Variants in NAA15 observed in about 807,000 individuals in gnomAD.
NAA15 encodes N-alpha-acetyltransferase 15, NatA auxiliary subunit.
NAA15 carries 34 observed loss-of-function variants against 114.0 expected under a neutral mutation model. The observed-to-expected ratio is 0.30, with a 90% CI of 0.23 to 0.40. The LOEUF (loss-of-function observed/expected upper bound fraction) is 0.40. NAA15 is among the 10% of genes least tolerant of loss of function. The pLI, the probability that NAA15 is intolerant of heterozygous loss-of-function variation, is 1.00. For synonymous variants in NAA15, 340 were observed against 338.0 expected, an observed-to-expected ratio of 1.01 and a Z score of -0.06; for missense variants, 658 against 1,004.5, an observed-to-expected ratio of 0.66 and a Z score of 4.66.
intron 6 of NAA15, among the ~76,000 whole-genome samples, chr4:139,349,007 A>G (rs888367082): frequency 1.3e-5 from 2 of 152,246 alleles, no homozygotes; most frequent in African/African-American, 4.8e-5. Flanking sequence ...TAAAAGGTAA[A>G]GTCTAGATAG....
chr4:139,327,888 C>T (rs1374579071), intron 1 of NAA15, among the ~76,000 whole-genome samples: 2 of 152,166 alleles, frequency 1.3e-5, no homozygotes, highest in Admixed American at 1.3e-4. Context: ...TGGTCTTGAA[C>T]TCCTGACCTC....
chr4:139,303,761 A>G lies in NAA15; in HGVS notation c.54+1930A>G, dbSNP rs200833191. On this transcript the variant is annotated intron_variant, in intron 1 of 19. Coordinates refer to ENST00000296543, the MANE Select transcript of NAA15 (RefSeq NM_057175.5). Reference sequence around the variant, plus strand: ...GCAGTTCCAGCCTTGGCAACAGAGGAAGACTGTCTCAAAACAAAAACAAAA... The same window carrying G: ...GCAGTTCCAGCCTTGGCAACAGAGGGAGACTGTCTCAAAACAAAAACAAAA... Among the ~76,000 whole-genome samples, 18 of 152,296 alleles carry G rather than the reference A, an allele frequency of 1.2e-4. No individual in the cohort carries two copies. The East Asian group carries it at 3.5e-3, about 29-fold the overall frequency.
intron 6 of NAA15, among the ~76,000 whole-genome samples, chr4:139,345,687 G>A (rs796591627): frequency 1.3e-5 from 2 of 152,256 alleles, no homozygotes; most frequent in East Asian, 1.9e-4. Context: ...TTGGGAGGCC[G>A]AGGCAGGTGG....
At position 139,355,939 on chromosome 4, in the gene NAA15, T is replaced by C. The variant is rs1447080011; in HGVS notation, c.1088-1447T>C. On this transcript the variant is annotated intron_variant, in intron 10 of 19. Transcript: ENST00000296543. ...AAATTTTCTTCCTCTATTACCTGTT[T>C]ACACAATGTTTCAGTTTACATAGGA... Among the ~76,000 whole-genome samples the C allele has an allele frequency of 2.0e-5, 3 of 152,352 alleles. No individual in the cohort carries two copies. The East Asian group carries it at 5.8e-4, about 29-fold the overall frequency.
At chr4:139,362,504 C>G (rs916454985) in intron 14 of NAA15, among the ~76,000 whole-genome samples, 1 of 152,176 alleles carries the variant, frequency 6.6e-6, no homozygotes, top group Admixed American at 6.5e-5. Flanking sequence ...AACCCCTGAC[C>G]TCAAGTGATC....
At position 139,320,628 on chromosome 4, in the gene NAA15, C is replaced by T. The variant is rs902521047; in HGVS notation, c.55-13546C>T. On this transcript the variant is annotated intron_variant, in intron 1 of 19. Transcript: ENST00000296543. ...CTCCATCTCCTGGGTTCAAGCGATT[C>T]TCCTGCCTCTGCCTCCTGAGCCGCT... Among the ~76,000 whole-genome samples, 6 of 152,320 alleles carry T rather than the reference C, an allele frequency of 3.9e-5. No individual in the cohort carries two copies. In the East Asian group the frequency reaches 9.6e-4, roughly 24 times the overall value.
At chr4:139,354,543 C>G (rs1403060865) in intron 10 of NAA15, among the ~76,000 whole-genome samples, 1 of 152,174 alleles carries the variant, frequency 6.6e-6, no homozygotes, top group East Asian at 1.9e-4. Flanking sequence ...AAGTGATCCT[C>G]TTGCATTGGC....
At chr4:139,374,454 G>A (rs1260304276) in intron 15 of NAA15, among the ~76,000 whole-genome samples, 3 of 152,132 alleles carry the variant, frequency 2.0e-5, no homozygotes, top group African/African-American at 7.2e-5. Flanking sequence ...TTCAGTTCTT[G>A]TGTGCTTATC....
At chr4:139,333,675 A>G (rs1031604607) in intron 1 of NAA15, among the ~76,000 whole-genome samples, 2 of 152,192 alleles carry the variant, frequency 1.3e-5, no homozygotes, top group Non-Finnish European at 2.9e-5. Flanking sequence ...GAGTCCTGAG[A>G]TCGCTTGAGA....
chr4:139,374,654 G>A, intron 15 of NAA15, among the ~76,000 whole-genome samples: 1 of 152,050 alleles, frequency 6.6e-6, no homozygotes, highest in Non-Finnish European at 1.5e-5. Context: ...ATGATTCCAT[G>A]TATATATAAA....
At chr4:139,360,730 G>A in intron 13 of NAA15, 102 bp downstream of exon 13, 2 of 1,053,736 alleles carry the variant, frequency 1.9e-6, no homozygotes, top group Admixed American at 3.6e-5. Flanking sequence ...ATTCATAGTA[G>A]GTGCTTTTTA....
At position 139,329,691 on chromosome 4, in the gene NAA15, A is replaced by G. The variant is rs575986135; in HGVS notation, c.55-4483A>G. On this transcript the variant is annotated intron_variant, in intron 1 of 19. Coordinates refer to ENST00000296543, the MANE Select transcript of NAA15 (RefSeq NM_057175.5). ...TTGTTAAACTTAATGCGTCCTCATC[A>G]TTCTTTGTCTGGCCTTGTTATGTTT... Among the ~76,000 whole-genome samples the G allele has an allele frequency of 1.6e-4, 25 of 152,300 alleles. No individual in the cohort carries two copies. In the South Asian group the frequency reaches 4.6e-3, roughly 28 times the overall value.
Position 139,361,770 on chromosome 4 carries a change from G to A in NAA15, c.1586G>A (p.Cys529Tyr), listed in dbSNP as rs1310099251. The A allele has an allele frequency of 6.2e-7, 1 of 1,612,244 alleles. No homozygotes were observed. Among genetic ancestry groups the A allele is most frequent in the Non-Finnish European group, 8.5e-7 (1 of 1,178,790 alleles). Residue 529 changes from cysteine (C) to tyrosine (Y), a missense_variant, in exon 14 of 20, where the codon TGT (cysteine) becomes TAT (tyrosine). This residue lies in a region of NAA15 where 7 missense variants were observed against 35.0 expected (regional missense o/e 0.20). Transcript: ENST00000296543. Reference protein sequence around the residue: ...TDDQFDFHTYCMRKITLRSYV... With the variant: ...TDDQFDFHTYYMRKITLRSYV... Reference sequence around the variant, plus strand: ...GACCAGTTTGACTTTCATACATACTGTATGAGGAAGATTACCCTTAGATCA... The same window carrying A: ...GACCAGTTTGACTTTCATACATACTATATGAGGAAGATTACCCTTAGATCA...
At chr4:139,319,476 C>G (rs1335069679) in intron 1 of NAA15, among the ~76,000 whole-genome samples, 1 of 151,970 alleles carries the variant, frequency 6.6e-6, no homozygotes, top group African/African-American at 2.4e-5. Context: ...CTCGCTGTTG[C>G]CAACACTGCA....
At chr4:139,342,406 T>C (rs1438558624) in intron 4 of NAA15, among the ~76,000 whole-genome samples, 2 of 152,184 alleles carry the variant, frequency 1.3e-5, no homozygotes, top group African/African-American at 2.4e-5. Context: ...ATATGGATGT[T>C]TGAAGTATTT....
chr4:139,308,213 G>T (rs554129940), intron 1 of NAA15, among the ~76,000 whole-genome samples: 30 of 152,194 alleles, frequency 2.0e-4, no homozygotes, highest in Non-Finnish European at 3.2e-4. Flanking sequence ...TGCCCGCCTT[G>T]GCCTCCCTAA....
At chr4:139,301,982 C>T in intron 1 of NAA15, 151 bp downstream of exon 1, 1 of 803,116 alleles carries the variant, frequency 1.2e-6, no homozygotes, top group Admixed American at 3.1e-5. Flanking sequence ...GCTTTGCTCC[C>T]TCTCTGTGGT....
At chr4:139,338,957 C>T (rs1747288805) in intron 3 of NAA15, among the ~76,000 whole-genome samples, 1 of 151,992 alleles carries the variant, frequency 6.6e-6, no homozygotes, top group Admixed American at 6.6e-5. Flanking sequence ...AATACAGGTG[C>T]ATGCCACCAT....
At chr4:139,377,824 AAC>A (rs1412293870) in intron 16 of NAA15, among the ~76,000 whole-genome samples, 1 of 152,208 alleles carries the variant, frequency 6.6e-6, no homozygotes, top group African/African-American at 2.4e-5. Flanking sequence ...CTCAAACTTT[AAC>A]AGTTAATACA....
Sources: gnomAD v4.1 joint callset for allele counts (sites outside exome capture counted in the v4.1 genomes callset) on GRCh38, gnomAD v4.1.1 for gene constraint, gnomAD v4.1.1 regional missense constraint, MANE v1.5 for transcripts, NCBI Gene and HGNC (gene_info 2026-07-23, HGNC 2026-07-21) for gene names.